TMEM178B: variants seen among roughly 807,000 people sequenced by gnomAD.
TMEM178B encodes the protein transmembrane protein 178B.
A neutral mutation model predicts 31.0 loss-of-function variants in TMEM178B; 5 were observed. The ratio of observed to expected loss-of-function variants is 0.16; its 90% confidence interval spans 0.08 to 0.34. The LOEUF is 0.34. Among genes scored for constraint, TMEM178B ranks in the 10% least tolerant of loss-of-function variants. The pLI is 1.00. For missense variants in TMEM178B, 275 were observed against 400.3 expected (o/e 0.69, Z 2.67); for synonymous variants, 164 against 164.0 (o/e 1.00, Z 0.00).
intron 2 of TMEM178B, among the ~76,000 whole-genome samples, chr7:141,434,946 T>C (rs1431078551): frequency 6.6e-6 from 1 of 152,246 alleles, no homozygotes; most frequent in Non-Finnish European, 1.5e-5. Context: ...ATTTCATCCC[T>C]TTCATGGCAG....
intron 1 of TMEM178B, among the ~76,000 whole-genome samples, chr7:141,142,411 CTTTT>C (rs536091548): frequency 1.5e-5 from 2 of 137,254 alleles, no homozygotes; most frequent in African/African-American, 2.9e-5. Context: ...TCTTTTCTTT[CTTTT>C]TTTTTTTTTT....
At chr7:141,250,617 C>T (rs970778295) in intron 2 of TMEM178B, among the ~76,000 whole-genome samples, 5 of 152,082 alleles carry the variant, frequency 3.3e-5, no homozygotes, top group South Asian at 2.1e-4. Flanking sequence ...GCTCTGTGCT[C>T]ACCTTCCTTT....
chr7:141,506,536 G>A, the TMEM178B span, among the ~76,000 whole-genome samples: 1 of 152,116 alleles, frequency 6.6e-6, no homozygotes, highest in African/African-American at 2.4e-5. Flanking sequence ...ATAGCACAGG[G>A]AAGACCGGCC....
chr7:141,271,666 G>A (rs1310783859), intron 2 of TMEM178B, among the ~76,000 whole-genome samples: 3 of 152,146 alleles, frequency 2.0e-5, no homozygotes, highest in South Asian at 2.1e-4. Context: ...TGGCTCCAGC[G>A]TTGAGCTCAA....
intron 1 of TMEM178B, among the ~76,000 whole-genome samples, chr7:141,130,383 A>T (rs1157546085): frequency 6.6e-6 from 1 of 152,224 alleles, no homozygotes; most frequent in Non-Finnish European, 1.5e-5. Context: ...TGGGCAAGAT[A>T]AGAAAAATCA....
intron 1 of TMEM178B, 64 bp from the exon 2 acceptor site, chr7:141,212,527 C>T: frequency 7.3e-7 from 1 of 1,373,438 alleles, no homozygotes; most frequent in Non-Finnish European, 1.0e-6. Flanking sequence ...AAAATTAATC[C>T]CAGAACTAGT....
chr7:141,378,585 C>T, intron 2 of TMEM178B, among the ~76,000 whole-genome samples: 1 of 152,148 alleles, frequency 6.6e-6, no homozygotes, highest in East Asian at 1.9e-4. Flanking sequence ...GGGAGAGGCT[C>T]CTAAGCGAAG....
At chr7:141,213,425 G>A (rs1166683220) in intron 2 of TMEM178B, among the ~76,000 whole-genome samples, 3 of 152,172 alleles carry the variant, frequency 2.0e-5, no homozygotes, top group Admixed American at 6.5e-5. Context: ...GGAGAGCTCT[G>A]CTTCCTGCAG....
chr7:141,160,700 A>G (rs1459229394), intron 1 of TMEM178B, among the ~76,000 whole-genome samples: 1 of 152,152 alleles, frequency 6.6e-6, no homozygotes, highest in African/African-American at 2.4e-5. Context: ...CGTTTTCCTT[A>G]TGGTGGGTCT....
chr7:141,387,894 G>A (rs1044756193), intron 2 of TMEM178B, among the ~76,000 whole-genome samples: 2 of 151,964 alleles, frequency 1.3e-5, no homozygotes, highest in African/African-American at 4.8e-5. Flanking sequence ...TCATCCTGTC[G>A]GCCACTCCCC....
rs1238365423 is a variant in TMEM178B at position 141,437,763 on chromosome 7, G to A, written c.634+18G>A. ...CATGGGAGGTAAGGCTACGGGCTCG[G>A]CTTGTGGGTGGCAGTGGACAGGGTC... On this transcript the variant is annotated intron_variant, in intron 3 of 3. Transcript: ENST00000565468. 6.5e-7 allele frequency: 1 copy of A among 1,535,924 alleles called. No homozygotes were observed. The highest frequency in any genetic ancestry group is 1.4e-5 in the African/African-American group (1 of 73,038).
intron 2 of TMEM178B, among the ~76,000 whole-genome samples, chr7:141,308,804 G>A (rs896726146): frequency 6.6e-6 from 1 of 152,200 alleles, no homozygotes. Flanking sequence ...CATGAGCTGG[G>A]TGGGGAGGGG....
intron 1 of TMEM178B, among the ~76,000 whole-genome samples, chr7:141,206,389 A>G (rs1796963106): frequency 6.6e-6 from 1 of 151,974 alleles, no homozygotes; most frequent in African/African-American, 2.4e-5. Flanking sequence ...GAAAGAGAGG[A>G]ATGAGCTGGA....
At chr7:141,291,742 T>C (rs771827545) in intron 2 of TMEM178B, among the ~76,000 whole-genome samples, 1 of 152,108 alleles carries the variant, frequency 6.6e-6, no homozygotes, top group African/African-American at 2.4e-5. Flanking sequence ...CGCCTTTTGG[T>C]CCAGCTTCCT....
chr7:141,136,783 T>C (rs189618808), intron 1 of TMEM178B, among the ~76,000 whole-genome samples: 1 of 152,272 alleles, frequency 6.6e-6, no homozygotes, highest in Non-Finnish European at 1.5e-5. Flanking sequence ...AGAGGATTGC[T>C]TGAGCCCAGG....
intron 2 of TMEM178B, among the ~76,000 whole-genome samples, chr7:141,278,000 A>G (rs1798293628): frequency 6.6e-6 from 1 of 152,260 alleles, no homozygotes; most frequent in African/African-American, 2.4e-5. Context: ...AGCAGAAGAC[A>G]CTAACTTTGG....
intron 1 of TMEM178B, among the ~76,000 whole-genome samples, chr7:141,181,695 G>A (rs1049841598): frequency 4.6e-5 from 7 of 152,220 alleles, no homozygotes; most frequent in African/African-American, 1.4e-4. Context: ...CCACGAGCTA[G>A]GACCAGGAGA....
intron 1 of TMEM178B, among the ~76,000 whole-genome samples, chr7:141,106,813 A>G (rs1261502352): frequency 6.6e-6 from 1 of 152,182 alleles, no homozygotes; most frequent in Non-Finnish European, 1.5e-5. Flanking sequence ...CACATATTTC[A>G]TATTTATTGG....
At chr7:141,112,635 G>T (rs1026339767) in intron 1 of TMEM178B, among the ~76,000 whole-genome samples, 1 of 152,126 alleles carries the variant, frequency 6.6e-6, no homozygotes, top group Admixed American at 6.5e-5. Context: ...TCTCTTCCTT[G>T]CTTTGCTGCC....
Sources: allele counts gnomAD v4.1 joint callset (sites outside exome capture counted in the v4.1 genomes callset), GRCh38; gene constraint gnomAD v4.1.1; transcripts MANE v1.5; gene names NCBI Gene and HGNC (gene_info 2026-07-23, HGNC 2026-07-21).